IDH3A: variants seen among roughly 807,000 people sequenced by gnomAD.
IDH3A encodes isocitrate dehydrogenase (NAD(+)) 3 catalytic subunit alpha, also known as isocitrate dehydrogenase [NAD] subunit alpha, mitochondrial.
IDH3A carries 23 observed loss-of-function variants against 43.3 expected under a neutral mutation model. The ratio of observed to expected loss-of-function variants is 0.53; its 90% CI spans 0.38 to 0.75. The LOEUF (loss-of-function observed/expected upper bound fraction) is 0.75. IDH3A is among the 30% of genes least tolerant of loss of function. The pLI is 0.00. For synonymous variants in IDH3A, 154 were observed against 163.5 expected (o/e 0.94, Z 0.44); for missense variants, 329 against 474.4 (o/e 0.69, Z 2.85).
intron 2 of IDH3A, chr15:78,157,184 T>G: frequency 1.8e-6 from 2 of 1,113,294 alleles, no homozygotes; most frequent in South Asian, 4.6e-5. Flanking sequence ...TTGTTAATTT[T>G]TTGTTGTTGT....
At position 78,149,382 on chromosome 15, in the gene IDH3A, T is replaced by C. The variant is rs376404131; in HGVS notation, c.-22T>C. 2.0e-4 allele frequency: 312 copies of C among 1,536,372 alleles called. No individual in the cohort carries two copies. In the African/African-American group the frequency reaches 3.5e-3, roughly 17 times the overall value. On this transcript the variant is annotated 5_prime_UTR_variant, in exon 1 of 11. Coordinates refer to ENST00000299518, the MANE Select transcript of IDH3A (RefSeq NM_005530.3). ...TGCGCACTGCCGCTGCGGCTGTTGCTGCGGAGCCAGGAGGGGAAGCGATGG... is the reference window on the plus strand; with the variant it reads ...TGCGCACTGCCGCTGCGGCTGTTGCCGCGGAGCCAGGAGGGGAAGCGATGG...
In IDH3A at chr15:78,165,137, G is replaced by A. The variant is rs1595871410; in HGVS notation, c.864+61G>A. 4.0e-6 allele frequency: 4 copies of A among 992,430 alleles called. No homozygotes were observed. The East Asian group carries it at 7.1e-5, about 18-fold the overall frequency. The allele number at this position is 992,430 out of a possible 1,614,324, so 61.5% of individuals were successfully genotyped here. ...AGAACAGCGTGTGAACTCAGGAGGAGTTATCTGTATAAGTATGCTTTAACT... is the reference window on the plus strand; with the variant it reads ...AGAACAGCGTGTGAACTCAGGAGGAATTATCTGTATAAGTATGCTTTAACT... On this transcript the variant is annotated intron_variant, in intron 9 of 10. Coordinates refer to ENST00000299518, the MANE Select transcript of IDH3A (RefSeq NM_005530.3).
chr15:78,156,742 C>T (rs1461245102), intron 2 of IDH3A, among the ~76,000 whole-genome samples: 2 of 152,280 alleles, frequency 1.3e-5, no homozygotes, highest in Non-Finnish European at 2.9e-5. Context: ...AGGTGCTGAT[C>T]TTCTCCCTTA....
intron 2 of IDH3A, chr15:78,156,997 TAA>T (rs757484278): frequency 2.3e-5 from 31 of 1,336,862 alleles, no homozygotes; most frequent in Non-Finnish European, 2.9e-5. Flanking sequence ...GCTCTCTTGA[TAA>T]AAAGTCTGAT....
intron 10 of IDH3A, chr15:78,166,525 C>G (rs2074745014): frequency 1.8e-6 from 1 of 551,818 alleles, no homozygotes; most frequent in African/African-American, 1.9e-5. Context: ...AAAAGTTAAG[C>G]AGCACTGATG....
At chr15:78,159,981 C>T (rs1261085346) in intron 3 of IDH3A, 111 bp from the exon 4 acceptor site, 7 of 692,792 alleles carry the variant, frequency 1.0e-5, no homozygotes, top group South Asian at 4.9e-5. Context: ...GGCGACAGAG[C>T]GGGACTCTAT....
At chr15:78,164,004 CATT>C (rs2074710392) in intron 8 of IDH3A, among the ~76,000 whole-genome samples, 1 of 152,138 alleles carries the variant, frequency 6.6e-6, no homozygotes, top group Non-Finnish European at 1.5e-5. Context: ...TCTCCCTAAT[CATT>C]ATTAGGTCAC....
At chr15:78,155,338 ATATT>A in intron 2 of IDH3A, 63 bp downstream of exon 2, 2 of 1,065,586 alleles carry the variant, frequency 1.9e-6, no homozygotes, top group Non-Finnish European at 1.4e-6. Flanking sequence ...ATGCTCTAAC[ATATT>A]TATTATATAG....
chr15:78,160,308 G>A (rs1183593798), intron 4 of IDH3A, 102 bp downstream of exon 4: 2 of 658,118 alleles, frequency 3.0e-6, no homozygotes, highest in East Asian at 2.7e-5. Flanking sequence ...CTGGCCATCT[G>A]TGAAGGTAAC....
At chr15:78,165,564 G>T (rs560093924) in intron 9 of IDH3A, among the ~76,000 whole-genome samples, 1 of 151,622 alleles carries the variant, frequency 6.6e-6, no homozygotes, top group East Asian at 1.9e-4. Context: ...TTCCCTCCAG[G>T]TATTTATTAT....
Position 78,163,656 on chromosome 15 carries a change from G to A in IDH3A, c.714+47G>A. The A allele has an allele frequency of 2.6e-6, 4 of 1,548,550 alleles. No homozygotes were observed. In the South Asian group the frequency reaches 3.3e-5, roughly 13 times the overall value. ...CCTGCTACTTTTTATGGTGAATGGT[G>A]TCTGTGTGTTGTGGGGATGCAGATT... is the stretch of plus-strand genomic sequence containing the variant. On this transcript the variant is annotated intron_variant, in intron 7 of 10. Coordinates refer to ENST00000299518, the MANE Select transcript of IDH3A (RefSeq NM_005530.3).
intron 1 of IDH3A, chr15:78,151,656 G>A (rs767668944): frequency 1.3e-5 from 2 of 152,040 alleles, no homozygotes; most frequent in Non-Finnish European, 2.9e-5. Flanking sequence ...GAAATGAGTT[G>A]TGGATTAAGA....
At chr15:78,158,461 ATATTT>A (rs2074646662) in intron 3 of IDH3A, among the ~76,000 whole-genome samples, 1 of 66,480 alleles carries the variant, frequency 1.5e-5, no homozygotes, top group Non-Finnish European at 3.3e-5. Context: ...ATATATATAT[ATATTT>A]TTTTTTTTTT....
chr15:78,163,989 C>G (rs2074710332), intron 8 of IDH3A, among the ~76,000 whole-genome samples: 1 of 152,108 alleles, frequency 6.6e-6, no homozygotes, highest in African/African-American at 2.4e-5. Context: ...CATTGCTGGG[C>G]TCTTTCTCCC....
Position 78,149,400 on chromosome 15 carries a change from A to G in IDH3A, c.-4A>G. 1.3e-6 allele frequency: 2 copies of G among 1,549,436 alleles called. No individual in the cohort carries two copies. The highest frequency in any genetic ancestry group is 2.5e-5 in the East Asian group (1 of 40,454). ...CTGTTGCTGCGGAGCCAGGAGGGGAAGCGATGGCTGGGCCCGCGTGGATCT... is the reference window on the plus strand; with the variant it reads ...CTGTTGCTGCGGAGCCAGGAGGGGAGGCGATGGCTGGGCCCGCGTGGATCT... On this transcript the variant is annotated 5_prime_UTR_variant, in exon 1 of 11. Transcript: ENST00000299518.
At chr15:78,167,589 C>A (rs1398968313) in intron 10 of IDH3A, 2 of 152,112 alleles carry the variant, frequency 1.3e-5, no homozygotes, top group Admixed American at 6.5e-5. Context: ...TGTAATGTAA[C>A]CATCACCATC....
chr15:78,164,287 T>TTCTC (rs555935847), intron 8 of IDH3A, among the ~76,000 whole-genome samples: 6 of 148,414 alleles, frequency 4.0e-5, no homozygotes, highest in Non-Finnish European at 7.5e-5. Flanking sequence ...TTGTCTGTGC[T>TTCTC]TCTCTCTCTC....
At chr15:78,153,352 A>C (rs1284150992) in intron 1 of IDH3A, among the ~76,000 whole-genome samples, 1 of 152,208 alleles carries the variant, frequency 6.6e-6, no homozygotes, top group Admixed American at 6.5e-5. Flanking sequence ...TTTTGTGTGA[A>C]TGTCTTTTCC....
intron 10 of IDH3A, among the ~76,000 whole-genome samples, chr15:78,167,312 A>G (rs181722252): frequency 6.0e-4 from 91 of 152,318 alleles, no homozygotes; most frequent in Non-Finnish European, 3.1e-4. Flanking sequence ...AATATGTCCA[A>G]GGTTTTACAG....
Sources: gnomAD v4.1 joint callset for allele counts (sites outside exome capture counted in the v4.1 genomes callset) on GRCh38, gnomAD v4.1.1 for gene constraint, MANE v1.5 for transcripts, NCBI Gene and HGNC (gene_info 2026-07-23, HGNC 2026-07-21) for gene names.